AFG1L: variants seen among roughly 807,000 people sequenced by gnomAD.
AFG1L encodes AFG1 like ATPase.
A neutral mutation model predicts 62.2 loss-of-function variants in AFG1L; 53 were observed. The observed-to-expected ratio is 0.85, with a 90% CI of 0.68 to 1.07. AFG1L has a LOEUF of 1.07. AFG1L is among the 50% of genes least tolerant of loss of function. The probability of loss-of-function intolerance (pLI) is 0.00; values close to 1 mark genes in which losing one functional copy is unlikely to be tolerated. For missense variants in AFG1L, 555 were observed against 590.5 expected, an observed-to-expected ratio of 0.94 and a Z score of 0.62; for synonymous variants, 228 against 210.3, an observed-to-expected ratio of 1.08 and a Z score of -0.73.
At chr6:108,317,516 A>G (rs1253311311) in intron 1 of AFG1L, among the ~76,000 whole-genome samples, 1 of 152,202 alleles carries the variant, frequency 6.6e-6, no homozygotes, top group Non-Finnish European at 1.5e-5. Context: ...CTTAGGTTCT[A>G]TAACAGTGAT....
intron 10 of AFG1L, among the ~76,000 whole-genome samples, chr6:108,499,527 C>A (rs940078847): frequency 6.7e-6 from 1 of 149,860 alleles, no homozygotes; most frequent in Admixed American, 6.7e-5. Context: ...TTGCTTGAGC[C>A]CAGCATTTTG....
chr6:108,311,806 A>G (rs1777423231), intron 1 of AFG1L, among the ~76,000 whole-genome samples: 1 of 151,916 alleles, frequency 6.6e-6, no homozygotes. Flanking sequence ...TCCATTTTAT[A>G]CTTTTTAAAA....
chr6:108,423,295 A>G lies in AFG1L; in HGVS notation c.807+21241A>G, dbSNP rs137986685. On this transcript the variant is annotated intron_variant, in intron 7 of 12. Transcript: ENST00000368977. ...GCTGATCAAGATAAGAGCTGACAGT[A>G]ATAAAGAATAGAACATTTTAGTCTT... 7.4e-3 allele frequency among the ~76,000 whole-genome samples: 1,128 copies of G among 152,262 alleles called. 5 individuals are homozygous for G. The highest frequency in any genetic ancestry group is 0.017 in the Middle Eastern group (5 of 294).
At chr6:108,367,423 A>T (rs1779806592) in intron 6 of AFG1L, among the ~76,000 whole-genome samples, 2 of 152,002 alleles carry the variant, frequency 1.3e-5, no homozygotes, top group Non-Finnish European at 2.9e-5. Context: ...AGGGGAGGGG[A>T]GGTGATGGAG....
intron 10 of AFG1L, among the ~76,000 whole-genome samples, chr6:108,488,451 G>A (rs1199549561): frequency 6.6e-6 from 1 of 152,140 alleles, no homozygotes; most frequent in African/African-American, 2.4e-5. Flanking sequence ...TGCAAAGGTT[G>A]GGGGGAGTAT....
intron 6 of AFG1L, among the ~76,000 whole-genome samples, chr6:108,391,689 C>T (rs191136900): frequency 6.6e-6 from 1 of 152,110 alleles, no homozygotes; most frequent in African/African-American, 2.4e-5. Context: ...GTTTCTTGGT[C>T]ATGAAGTCTT....
chr6:108,361,237 C>T (rs1779515424), intron 5 of AFG1L, among the ~76,000 whole-genome samples: 1 of 152,232 alleles, frequency 6.6e-6, no homozygotes, highest in Non-Finnish European at 1.5e-5. Flanking sequence ...CACTGGGAGC[C>T]TGATCTTGTG....
intron 7 of AFG1L, among the ~76,000 whole-genome samples, chr6:108,415,027 G>A (rs1309755905): frequency 4.6e-5 from 7 of 152,088 alleles, no homozygotes; most frequent in South Asian, 4.2e-4. Context: ...AAACCCCATC[G>A]TCTCAGCCCA....
chr6:108,388,016 C>G (rs1223122133), intron 6 of AFG1L: 1 of 151,966 alleles, frequency 6.6e-6, no homozygotes, highest in Non-Finnish European at 1.5e-5. Flanking sequence ...CACTAACACC[C>G]CATCTGGTAG....
chr6:108,307,543 T>G (rs1408764125), intron 1 of AFG1L, among the ~76,000 whole-genome samples: 2 of 151,966 alleles, frequency 1.3e-5, no homozygotes, highest in South Asian at 2.1e-4. Flanking sequence ...CCTGAGTAAC[T>G]GAGACTACAG....
At chr6:108,308,109 T>C (rs1777273281) in intron 1 of AFG1L, among the ~76,000 whole-genome samples, 1 of 152,224 alleles carries the variant, frequency 6.6e-6, no homozygotes, top group African/African-American at 2.4e-5. Flanking sequence ...TATTTTTTCA[T>C]TTATCTCTTA....
chr6:108,356,640 T>C, intron 4 of AFG1L, 50 bp from the exon 5 acceptor site: 1 of 1,284,260 alleles, frequency 7.8e-7, no homozygotes, highest in Non-Finnish European at 1.1e-6. Context: ...GTTATAATTG[T>C]CTAAAAAGTA....
At chr6:108,500,319 T>A (rs950941346) in intron 10 of AFG1L, among the ~76,000 whole-genome samples, 1 of 152,024 alleles carries the variant, frequency 6.6e-6, no homozygotes, top group African/African-American at 2.4e-5. Flanking sequence ...CAAAATATAT[T>A]TGTAAGTTTA....
At chr6:108,432,150 T>C (rs1206007966) in intron 7 of AFG1L, among the ~76,000 whole-genome samples, 1 of 151,950 alleles carries the variant, frequency 6.6e-6, no homozygotes, top group Non-Finnish European at 1.5e-5. Context: ...TTCCAAATCA[T>C]AGTGGTCCTC....
chr6:108,362,231 A>T (rs1779567760), intron 5 of AFG1L, among the ~76,000 whole-genome samples: 1 of 152,194 alleles, frequency 6.6e-6, no homozygotes, highest in Non-Finnish European at 1.5e-5. Context: ...TACATAAAAA[A>T]TGGTGTCTTG....
intron 10 of AFG1L, among the ~76,000 whole-genome samples, chr6:108,479,788 C>T (rs991639013): frequency 1.3e-5 from 2 of 152,168 alleles, no homozygotes; most frequent in African/African-American, 4.8e-5. Flanking sequence ...AGGCATCTAT[C>T]TGGTGTGCCT....
intron 5 of AFG1L, among the ~76,000 whole-genome samples, chr6:108,365,819 C>T (rs918055043): frequency 6.6e-6 from 1 of 152,184 alleles, no homozygotes; most frequent in Non-Finnish European, 1.5e-5. Context: ...TTAGAAATCT[C>T]AAACAGCCTG....
chr6:108,323,426 C>T (rs956330817), intron 1 of AFG1L, among the ~76,000 whole-genome samples: 3 of 151,958 alleles, frequency 2.0e-5, no homozygotes, highest in Non-Finnish European at 2.9e-5. Context: ...TACAGTGGCA[C>T]AATCTCTGCT....
chr6:108,477,354 T>TAA, intron 10 of AFG1L, 62 bp downstream of exon 10: 1 of 941,744 alleles, frequency 1.1e-6, no homozygotes, highest in Non-Finnish European at 1.6e-6. Flanking sequence ...CTTCGTGTTT[T>TAA]CCTCTCTGCC....
Sources: gnomAD v4.1 joint callset for allele counts (sites outside exome capture counted in the v4.1 genomes callset) on GRCh38, gnomAD v4.1.1 for gene constraint, MANE v1.5 for transcripts, NCBI Gene and HGNC (gene_info 2026-07-23, HGNC 2026-07-21) for gene names.